Variants in ELAPOR2 observed in about 807,000 individuals in gnomAD.
ELAPOR2 encodes endosome/lysosome-associated apoptosis and autophagy regulator family member 2.
A neutral mutation model predicts 120.7 loss-of-function variants in ELAPOR2; 89 were observed. That is an observed-to-expected ratio of 0.74 (90% CI 0.62 to 0.88). The LOEUF is 0.88. Among genes scored for constraint, ELAPOR2 ranks in the 40% least tolerant of loss-of-function variants. ELAPOR2 has a pLI of 0.00. For synonymous variants in ELAPOR2, 444 were observed against 444.9 expected (o/e 1.00, Z 0.03); for missense variants, 1,134 against 1,251.6 (o/e 0.91, Z 1.42).
intron 10 of ELAPOR2, among the ~76,000 whole-genome samples, chr7:86,923,385 T>C (rs28490267): frequency 0.11 from 17,222 of 151,914 alleles, 1,013 homozygotes; most frequent in Middle Eastern, 0.14. Context: ...ATATCACACG[T>C]ACCCCCAAAA....
intron 1 of ELAPOR2, among the ~76,000 whole-genome samples, chr7:86,976,041 T>C (rs985764800): frequency 6.6e-6 from 1 of 152,094 alleles, no homozygotes; most frequent in African/African-American, 2.4e-5. Context: ...GGGATATCCA[T>C]GTGCTTTTTT....
At chr7:86,948,590 A>C (rs1791102484) in intron 2 of ELAPOR2, among the ~76,000 whole-genome samples, 1 of 152,112 alleles carries the variant, frequency 6.6e-6, no homozygotes, top group African/African-American at 2.4e-5. Context: ...CTCTGAAACC[A>C]TGAGCCCACT....
chr7:87,012,339 G>A (rs570213264), intron 1 of ELAPOR2, among the ~76,000 whole-genome samples: 59 of 152,266 alleles, frequency 3.9e-4, no homozygotes, highest in African/African-American at 1.3e-3. Flanking sequence ...GAACCCAGGA[G>A]GTGGAGGTTG....
chr7:86,899,035 G>T (rs905703051), intron 18 of ELAPOR2, among the ~76,000 whole-genome samples: 1 of 152,114 alleles, frequency 6.6e-6, no homozygotes, highest in South Asian at 2.1e-4. Context: ...AACCTGAAAA[G>T]GTGGTTACCT....
intron 1 of ELAPOR2, among the ~76,000 whole-genome samples, chr7:87,040,978 G>A (rs556970496): frequency 6.6e-6 from 1 of 152,148 alleles, no homozygotes; most frequent in East Asian, 1.9e-4. Context: ...AGAAGCCTCA[G>A]GAGCCGATGC....
chr7:86,924,863 G>A (rs1318437266), intron 10 of ELAPOR2, among the ~76,000 whole-genome samples: 2 of 152,050 alleles, frequency 1.3e-5, no homozygotes, highest in South Asian at 2.1e-4. Context: ...TGCCAGTGAG[G>A]TTATAAGTAA....
At position 86,947,724 on chromosome 7, in the gene ELAPOR2, T is replaced by C. The variant is rs960171829; in HGVS notation, c.506+3A>G. On this transcript the variant is annotated splice_donor_region_variant and intron_variant, in intron 3 of 21. Coordinates refer to ENST00000450689, the MANE Select transcript of ELAPOR2 (RefSeq NM_001142749.3). ...AGAGCCAAAGGCTGCTTTGGATTCTTACTTGTTACAGCCGTCTGGCCTGCT... is the reference window on the plus strand; with the variant it reads ...AGAGCCAAAGGCTGCTTTGGATTCTCACTTGTTACAGCCGTCTGGCCTGCT... The C allele has an allele frequency of 3.0e-5, 47 of 1,549,134 alleles. No homozygotes were observed. Among genetic ancestry groups the C allele is most frequent in the Non-Finnish European group, 3.6e-5 (41 of 1,145,110 alleles).
intron 1 of ELAPOR2, among the ~76,000 whole-genome samples, chr7:87,021,991 G>A (rs1794055497): frequency 1.3e-5 from 2 of 152,012 alleles, no homozygotes; most frequent in African/African-American, 4.8e-5. Context: ...ACATCCCTGT[G>A]GAATATGATC....
Position 87,007,297 on chromosome 7 carries a change from A to G in ELAPOR2, c.190-42273T>C, listed in dbSNP as rs945610359. ...TGAAACCAATTTCCATGTATTCTAG[A>G]CTTGAGCAAATGAGTATATACACTG... On this transcript the variant is annotated intron_variant, in intron 1 of 21. Coordinates refer to ENST00000450689, the MANE Select transcript of ELAPOR2 (RefSeq NM_001142749.3). Among the ~76,000 whole-genome samples the G allele has an allele frequency of 3.9e-5, 6 of 152,168 alleles. No individual in the cohort carries two copies. In the South Asian group the frequency reaches 8.3e-4, roughly 21 times the overall value.
chr7:87,017,816 A>G (rs112598489), intron 1 of ELAPOR2, among the ~76,000 whole-genome samples: 2,981 of 152,084 alleles, frequency 0.02, 104 homozygotes, highest in African/African-American at 0.067. Flanking sequence ...AGCTACTCAG[A>G]AGGCTGAGGT....
chr7:87,008,683 C>T (rs1235691168), intron 1 of ELAPOR2, among the ~76,000 whole-genome samples: 2 of 152,222 alleles, frequency 1.3e-5, no homozygotes, highest in African/African-American at 4.8e-5. Flanking sequence ...GCATGAGCCA[C>T]TTCACCCAGC....
intron 1 of ELAPOR2, among the ~76,000 whole-genome samples, chr7:87,016,775 A>G (rs1793882164): frequency 6.6e-6 from 1 of 151,788 alleles, no homozygotes; most frequent in African/African-American, 2.4e-5. Context: ...ATGTCCATGG[A>G]AAAGGAAAAG....
At chr7:86,929,867 C>G (rs1283157669) in intron 8 of ELAPOR2, among the ~76,000 whole-genome samples, 1 of 151,836 alleles carries the variant, frequency 6.6e-6, no homozygotes, top group Non-Finnish European at 1.5e-5. Context: ...GGCACCTCCC[C>G]CTTCTCTCTC....
chr7:86,897,642 T>C lies in ELAPOR2; in HGVS notation c.2559-10A>G, dbSNP rs769054101. 6.2e-7 allele frequency: 1 copy of C among 1,612,594 alleles called. No individual in the cohort carries two copies. The highest frequency in any genetic ancestry group is 1.1e-5 in the South Asian group (1 of 90,996). On this transcript the variant is annotated splice_polypyrimidine_tract_variant and intron_variant, in intron 18 of 21. Transcript: ENST00000450689. The stretch of plus-strand genomic sequence containing the variant: ...ACCTGCTGGGCACTTGCTAAAATCA[T>C]AAACAAAACCAAAAACACATAAGTG...
At chr7:87,030,214 A>G (rs538961219) in intron 1 of ELAPOR2, among the ~76,000 whole-genome samples, 1 of 152,262 alleles carries the variant, frequency 6.6e-6, no homozygotes, top group South Asian at 2.1e-4. Context: ...TGTTAGGGTG[A>G]TCACCTACTG....
intron 1 of ELAPOR2, among the ~76,000 whole-genome samples, chr7:87,050,326 G>A (rs189240458): frequency 1.3e-5 from 2 of 152,168 alleles, no homozygotes; most frequent in African/African-American, 2.4e-5. Flanking sequence ...TCATGGGGGC[G>A]GATTGCTCAT....
At chr7:86,969,900 T>C (rs1287053259) in intron 1 of ELAPOR2, among the ~76,000 whole-genome samples, 1 of 152,200 alleles carries the variant, frequency 6.6e-6, no homozygotes. Flanking sequence ...GAGAAGACCC[T>C]GAAATATGGG....
intron 7 of ELAPOR2, among the ~76,000 whole-genome samples, 167 bp from the exon 8 acceptor site, chr7:86,938,381 T>C (rs1197526491): frequency 6.6e-6 from 1 of 152,104 alleles, no homozygotes; most frequent in Non-Finnish European, 1.5e-5. Flanking sequence ...ACATTTTTAT[T>C]TTCCCTAGAG....
intron 21 of ELAPOR2, among the ~76,000 whole-genome samples, chr7:86,889,242 T>A (rs1174210351): frequency 6.6e-6 from 1 of 151,994 alleles, no homozygotes. Flanking sequence ...CACTAATATA[T>A]CCTGTAGTAC....
Sources: allele counts gnomAD v4.1 joint callset (sites outside exome capture counted in the v4.1 genomes callset), GRCh38; gene constraint gnomAD v4.1.1; transcripts MANE v1.5; gene names NCBI Gene and HGNC (gene_info 2026-07-23, HGNC 2026-07-21).